Variants in ZNF516 observed in about 807,000 individuals in gnomAD.
ZNF516 encodes the protein zinc finger protein 516.
Under a neutral mutation model 79.7 loss-of-function variants are expected in ZNF516, and 19 were observed. That is an observed-to-expected ratio of 0.24 (90% CI 0.17 to 0.35). ZNF516 has a LOEUF of 0.35. ZNF516 is among the 10% of genes least tolerant of loss of function. ZNF516 has a pLI of 1.00. For missense variants in ZNF516, 1,678 were observed against 1,679.5 expected, an observed-to-expected ratio of 1.00 and a Z score of 0.02; for synonymous variants, 877 against 739.5, an observed-to-expected ratio of 1.19 and a Z score of -3.02.
Position 76,441,513 on chromosome 18 carries a change from G to T in ZNF516, c.1542C>A (p.Ser514=), listed in dbSNP as rs745372873. 1 of 1,588,646 alleles carries T rather than the reference G, an allele frequency of 6.3e-7. No individual in the cohort carries two copies. Among genetic ancestry groups the T allele is most frequent in the South Asian group, 1.1e-5 (1 of 87,904 alleles). ...TCTTGCCGCACTCGAAGCACTCGGA[G>T]GACTTGCCCTGGCCGGTGGTGGCTG... is the stretch of plus-strand genomic sequence containing the variant. ...RAAATTGQGK[S]SECFECGKIF... is the part of the protein sequence containing the mutation. The change falls in exon 3 of 7, where the codon TCC becomes TCA. Residue 514 remains serine, a synonymous_variant. Coordinates refer to ENST00000443185, the MANE Select transcript of ZNF516 (RefSeq NM_014643.4).
At chr18:76,415,768 C>T (rs542211607) in intron 3 of ZNF516, among the ~76,000 whole-genome samples, 34 of 152,292 alleles carry the variant, frequency 2.2e-4, no homozygotes, top group Non-Finnish European at 2.2e-4. Context: ...TGCAGCATGT[C>T]CTCAACAGAG....
rs1174526437 is a variant in ZNF516 at position 76,361,803 on chromosome 18, C to T, written c.*695G>A. 6.6e-6 allele frequency: 1 copy of T among 152,156 alleles called. No individual in the cohort carries two copies. Among genetic ancestry groups the T allele is most frequent in the Non-Finnish European group, 1.5e-5 (1 of 68,044 alleles). 9.4% of individuals were successfully genotyped at this position (152,156 alleles called of 1,614,324 possible). A position where few individuals can be genotyped will look rare whatever the true frequency, so the allele number is the denominator to read the frequency against. On this transcript the variant is annotated 3_prime_UTR_variant, in exon 7 of 7. Coordinates refer to ENST00000443185, the MANE Select transcript of ZNF516 (RefSeq NM_014643.4). ...ACAGACGTGTCTCCTTTGCCAGATT[C>T]GCTCAGTTCGAATGGTGGGAAGAAT...
intron 1 of ZNF516, among the ~76,000 whole-genome samples, chr18:76,470,176 G>C (rs1913742249): frequency 1.3e-5 from 2 of 152,174 alleles, no homozygotes; most frequent in Non-Finnish European, 1.5e-5. Flanking sequence ...CCGCCCATTG[G>C]TGGATTACCC....
chr18:76,380,019 C>T lies in ZNF516; in HGVS notation c.2095G>A (p.Ala699Thr). 2 of 1,613,986 alleles carry T rather than the reference C, an allele frequency of 1.2e-6. No individual in the cohort carries two copies. Among genetic ancestry groups the T allele is most frequent in the Non-Finnish European group, 1.7e-6 (2 of 1,179,884 alleles). ...DGVEFPSSTG[A>T]EGQTGHPAEK... ...GCAGGGTGACCCGTCTGGCCCTCCG[C>T]TCCCGTACTGGAAGGGAACTCCACA... The change falls in exon 4 of 7, where the codon GCG (alanine) becomes ACG (threonine). Residue 699 changes from alanine to threonine, a missense_variant. By Grantham distance (58) the Ala-to-Thr change is moderately conservative. This residue lies in a region of ZNF516 where 1,294 missense variants were observed against 1,248.3 expected (regional missense o/e 1.04). Coordinates refer to ENST00000443185, the MANE Select transcript of ZNF516 (RefSeq NM_014643.4).
chr18:76,418,002 C>T (rs1754957630), intron 3 of ZNF516, among the ~76,000 whole-genome samples: 2 of 152,180 alleles, frequency 1.3e-5, no homozygotes, highest in African/African-American at 4.8e-5. Flanking sequence ...AAATAAACGT[C>T]AGTTGAATAT....
At chr18:76,409,711 G>A (rs2075349443) in intron 3 of ZNF516, among the ~76,000 whole-genome samples, 1 of 152,194 alleles carries the variant, frequency 6.6e-6, no homozygotes, top group African/African-American at 2.4e-5. Flanking sequence ...CCCTGTAGCT[G>A]GAGATGGTGG....
At chr18:76,426,240 T>G (rs944621926) in intron 3 of ZNF516, among the ~76,000 whole-genome samples, 2 of 152,226 alleles carry the variant, frequency 1.3e-5, no homozygotes, top group Non-Finnish European at 2.9e-5. Flanking sequence ...GGGTCTCCCC[T>G]CCTCTCCCTC....
chr18:76,403,305 T>C (rs1490504877), intron 3 of ZNF516, among the ~76,000 whole-genome samples: 2 of 152,162 alleles, frequency 1.3e-5, no homozygotes, highest in African/African-American at 4.8e-5. Flanking sequence ...CTCATACACA[T>C]GCAGTCAGAT....
intron 3 of ZNF516, among the ~76,000 whole-genome samples, chr18:76,438,306 G>A (rs1477729135): frequency 6.6e-6 from 1 of 152,222 alleles, no homozygotes; most frequent in Non-Finnish European, 1.5e-5. Context: ...TCCTTGCAAA[G>A]CAATATTCGT....
intron 1 of ZNF516, among the ~76,000 whole-genome samples, chr18:76,494,892 C>A (rs1179386453): frequency 6.7e-6 from 1 of 149,988 alleles, no homozygotes; most frequent in Non-Finnish European, 1.5e-5. Context: ...CCCGGGCGCT[C>A]GCCCCGCCGC....
At position 76,378,695 on chromosome 18, in the gene ZNF516, G is replaced by A. The variant is rs3762765; in HGVS notation, c.3259+160C>T. On this transcript the variant is annotated intron_variant, in intron 4 of 6. Transcript: ENST00000443185. ...GCTGTTCCCATCTGCTGTGCTCCTC[G>A]GCCAGGGCAAGGGAGCAGCTCTCAG... Among the ~76,000 whole-genome samples the A allele has an allele frequency of 3.2e-3, 485 of 152,334 alleles. 7 individuals carry two copies. In the Middle Eastern group the frequency reaches 0.054, roughly 17 times the overall value.
chr18:76,479,570 G>A (rs1369381741), intron 1 of ZNF516, among the ~76,000 whole-genome samples: 3 of 152,168 alleles, frequency 2.0e-5, no homozygotes, highest in African/African-American at 7.2e-5. Flanking sequence ...GTTCGTAACG[G>A]GCCAGAAGTC....
chr18:76,386,205 G>A (rs955934845), intron 3 of ZNF516: 2 of 152,174 alleles, frequency 1.3e-5, no homozygotes, highest in Non-Finnish European at 2.9e-5. Flanking sequence ...CTTGGGGATT[G>A]GGGGGCTGTG....
At chr18:76,490,680 C>A in intron 1 of ZNF516, 1 of 748,182 alleles carries the variant, frequency 1.3e-6, no homozygotes, top group Non-Finnish European at 1.6e-6. Context: ...TTTTAAATTA[C>A]CTTCAATCAA....
At chr18:76,366,838 G>A (rs2074619126) in intron 6 of ZNF516, among the ~76,000 whole-genome samples, 1 of 152,208 alleles carries the variant, frequency 6.6e-6, no homozygotes, top group African/African-American at 2.4e-5. Context: ...TTATTTTACA[G>A]ATAAGGGAAC....
At position 76,441,743 on chromosome 18, in the gene ZNF516, CCCCGTA is replaced by C. The variant is rs1568295638; in HGVS notation, c.1306_1311del (p.Tyr436_Gly437del). The C allele has an allele frequency of 6.4e-7, 1 of 1,572,878 alleles. No homozygotes were observed. The highest frequency in any genetic ancestry group is 1.8e-5 in the Admixed American group (1 of 56,362). On this transcript the variant is annotated inframe_deletion, in exon 3 of 7. Coordinates refer to ENST00000443185, the MANE Select transcript of ZNF516 (RefSeq NM_014643.4). ...TCCCCGGCCAGCGCCTCGTCCCAGG[CCCCGTA>C]CTTGAGGTACTCGGCCGGCTCGGCC...
chr18:76,485,603 C>T (rs557705216), intron 1 of ZNF516, among the ~76,000 whole-genome samples: 22 of 152,188 alleles, frequency 1.4e-4, no homozygotes, highest in Non-Finnish European at 2.5e-4. Flanking sequence ...GCTTTGGTGT[C>T]GACTCGACAG....
chr18:76,422,569 A>G (rs2075522288), intron 3 of ZNF516, among the ~76,000 whole-genome samples: 1 of 152,198 alleles, frequency 6.6e-6, no homozygotes, highest in Non-Finnish European at 1.5e-5. Flanking sequence ...ATGGAGAGAT[A>G]GAGAATTAAA....
intron 2 of ZNF516, 105 bp from the exon 3 acceptor site, chr18:76,443,316 C>A: frequency 4.3e-6 from 2 of 467,456 alleles, no homozygotes; most frequent in Admixed American, 4.2e-5. Context: ...ATCCAACCCA[C>A]ATTAAGAAAA....
Sources: allele counts gnomAD v4.1 joint callset (sites outside exome capture counted in the v4.1 genomes callset), GRCh38; gene constraint gnomAD v4.1.1; regional missense constraint gnomAD v4.1.1; transcripts MANE v1.5; gene names NCBI Gene and HGNC (gene_info 2026-07-23, HGNC 2026-07-21).